Variants in MYO1H observed in about 807,000 individuals in gnomAD.
The protein encoded by MYO1H is unconventional myosin-Ih.
In MYO1H, 118 loss-of-function variants were observed where a neutral mutation model predicts 149.3. That is an observed-to-expected ratio of 0.79 (90% CI 0.68 to 0.92). The LOEUF is 0.92. MYO1H is among the 40% of genes least tolerant of loss of function. The pLI is 0.00. For synonymous variants in MYO1H, 447 were observed against 465.2 expected, an observed-to-expected ratio of 0.96 and a Z score of 0.50; for missense variants, 1,212 against 1,280.7, an observed-to-expected ratio of 0.95 and a Z score of 0.82.
the MYO1H span, among the ~76,000 whole-genome samples, chr12:109,312,845 C>T: frequency 6.6e-6 from 1 of 151,324 alleles, no homozygotes; most frequent in African/African-American, 2.4e-5. Context: ...GGCCATGGCA[C>T]CCTGGGCTGT....
the MYO1H span, among the ~76,000 whole-genome samples, chr12:109,332,963 G>A: frequency 1.3e-5 from 2 of 152,068 alleles, no homozygotes; most frequent in African/African-American, 4.8e-5. Context: ...TATGCAGGTC[G>A]ACATAATTTG....
chr12:109,427,909 A>AATAT (rs1555254297), intron 19 of MYO1H, among the ~76,000 whole-genome samples: 273 of 16,398 alleles, frequency 0.017, 17 homozygotes, highest in African/African-American at 0.055. Context: ...AAAAAAAAAA[A>AATAT]ATATATATAT....
intron 3 of MYO1H, among the ~76,000 whole-genome samples, chr12:109,393,954 G>A (rs1190215175): frequency 2.0e-5 from 3 of 152,154 alleles, no homozygotes; most frequent in Admixed American, 6.5e-5. Context: ...GTGTCATAGC[G>A]GCTAAGAGGA....
the MYO1H span, among the ~76,000 whole-genome samples, chr12:109,340,063 AC>A: frequency 0.013 from 1,908 of 152,288 alleles, 47 homozygotes; most frequent in African/African-American, 0.044. Context: ...TTAAACACTA[AC>A]CTCTGGGACC....
intron 10 of MYO1H, among the ~76,000 whole-genome samples, chr12:109,409,180 G>A (rs1249055404): frequency 6.7e-6 from 1 of 148,448 alleles, no homozygotes; most frequent in Admixed American, 6.7e-5. Context: ...TCTGTCTATA[G>A]GTCCTTTTCT....
At chr12:109,405,886 TG>T in intron 7 of MYO1H, 35 bp from the exon 8 acceptor site, 1 of 1,460,342 alleles carries the variant, frequency 6.8e-7, no homozygotes, top group Non-Finnish European at 9.6e-7. Context: ...TTCCCTGTCC[TG>T]ATCTCCTGTC....
At chr12:109,360,622 A>G (rs896070976) in intron 1 of MYO1H, among the ~76,000 whole-genome samples, 1 of 152,168 alleles carries the variant, frequency 6.6e-6, no homozygotes, top group Non-Finnish European at 1.5e-5. Flanking sequence ...TCCATGGAAA[A>G]TATTTCCTTG....
chr12:109,406,940 CAGGG>C, intron 9 of MYO1H, 80 bp downstream of exon 9: 2 of 1,300,858 alleles, frequency 1.5e-6, no homozygotes, highest in Non-Finnish European at 2.2e-6. Flanking sequence ...GTGGTGGCCT[CAGGG>C]GAGGCCAAAC....
At chr12:109,397,804 G>A in exon 5 of MYO1H, 1 of 1,608,114 alleles carries the variant, frequency 6.2e-7, no homozygotes, top group Non-Finnish European at 8.5e-7. Flanking sequence ...TATACAATTT[G>A]ATTTTCAGGT....
chr12:109,377,202 G>C (rs1463074413), intron 1 of MYO1H, among the ~76,000 whole-genome samples: 1 of 152,132 alleles, frequency 6.6e-6, no homozygotes, highest in Non-Finnish European at 1.5e-5. Flanking sequence ...TTGCTATAAA[G>C]GAATACTTGA....
At chr12:109,328,685 CTAA>C in the MYO1H span, among the ~76,000 whole-genome samples, 1 of 146,308 alleles carries the variant, frequency 6.8e-6, no homozygotes, top group Non-Finnish European at 1.5e-5. Flanking sequence ...GGATTTTCTT[CTAA>C]TGTCGTTTTT....
intron 21 of MYO1H, among the ~76,000 whole-genome samples, chr12:109,436,137 C>T (rs536798299): frequency 2.6e-5 from 4 of 152,298 alleles, no homozygotes; most frequent in African/African-American, 9.6e-5. Flanking sequence ...TCTGAGCCTG[C>T]GTGCCCATTT....
chr12:109,414,120 C>T (rs775981170), intron 14 of MYO1H, among the ~76,000 whole-genome samples: 4 of 151,972 alleles, frequency 2.6e-5, no homozygotes, highest in East Asian at 1.9e-4. Context: ...TTGAGCCGTA[C>T]GCTTAGAATA....
chr12:109,338,697 T>A, the MYO1H span, among the ~76,000 whole-genome samples: 2 of 132,946 alleles, frequency 1.5e-5, no homozygotes, highest in African/African-American at 5.8e-5. Context: ...GAATCGGAGG[T>A]GGAGGTTGCA....
At chr12:109,354,359 T>C (rs762244407) in intron 1 of MYO1H, 1 of 151,736 alleles carries the variant, frequency 6.6e-6, no homozygotes, top group East Asian at 1.9e-4. Context: ...TCCCAGCACT[T>C]TGGGAGGCTG....
At position 109,435,245 on chromosome 12, in the gene MYO1H, G is replaced by T; in HGVS notation, c.2140+132G>T. 4.9e-6 allele frequency: 3 copies of T among 609,918 alleles called. No individual in the cohort carries two copies. The South Asian group carries it at 6.4e-5, about 13-fold the overall frequency. 37.8% of individuals were successfully genotyped at this position (609,918 alleles called of 1,614,324 possible). A position where few individuals can be genotyped will look rare whatever the true frequency, so the allele number is the denominator to read the frequency against. Reference sequence around the variant, plus strand: ...GCTTTGGAAACTAGGAACGAGATATGGGATTATGATAAGATCCCTGTGAAT... The same window carrying T: ...GCTTTGGAAACTAGGAACGAGATATTGGATTATGATAAGATCCCTGTGAAT... On this transcript the variant is annotated intron_variant, in intron 21 of 31. Coordinates refer to ENST00000310903, the Ensembl canonical transcript of MYO1H.
chr12:109,366,039 C>T (rs1018604504), intron 1 of MYO1H, among the ~76,000 whole-genome samples: 1 of 152,196 alleles, frequency 6.6e-6, no homozygotes, highest in Non-Finnish European at 1.5e-5. Context: ...GCCTGGTGAT[C>T]TCAGGTGGAG....
the MYO1H span, among the ~76,000 whole-genome samples, chr12:109,325,953 G>A: frequency 6.6e-6 from 1 of 152,142 alleles, no homozygotes; most frequent in African/African-American, 2.4e-5. Context: ...AAATAGGAAC[G>A]CTTTTACACT....
At chr12:109,379,260 G>A (rs1216582725) in intron 1 of MYO1H, among the ~76,000 whole-genome samples, 2 of 152,210 alleles carry the variant, frequency 1.3e-5, no homozygotes, top group Non-Finnish European at 2.9e-5. Flanking sequence ...ATCAGATTCA[G>A]CTCTGTAGGA....
Sources: allele counts gnomAD v4.1 joint callset (sites outside exome capture counted in the v4.1 genomes callset), GRCh38; gene constraint gnomAD v4.1.1; transcripts MANE v1.5; gene names NCBI Gene and HGNC (gene_info 2026-07-23, HGNC 2026-07-21).